Variants in CPVL observed in about 807,000 individuals in gnomAD.
The protein encoded by CPVL is carboxypeptidase vitellogenic like.
A neutral mutation model predicts 63.7 loss-of-function variants in CPVL; 51 were observed. The ratio of observed to expected loss-of-function variants is 0.80; its 90% CI spans 0.64 to 1.01. The LOEUF is 1.01. CPVL is among the 50% of genes least tolerant of loss of function. The pLI is 0.00. For missense variants in CPVL, 530 were observed against 573.1 expected, an observed-to-expected ratio of 0.92 and a Z score of 0.77; for synonymous variants, 195 against 206.0, an observed-to-expected ratio of 0.95 and a Z score of 0.46.
chr7:29,132,743 AAGAC>A (rs1790822557), intron 1 of CPVL, among the ~76,000 whole-genome samples: 1 of 152,216 alleles, frequency 6.6e-6, no homozygotes, highest in Non-Finnish European at 1.5e-5. Flanking sequence ...TCATGAAAGA[AAGAC>A]AAAGTGCTGT....
intron 3 of CPVL, among the ~76,000 whole-genome samples, chr7:29,111,757 C>T (rs1056597372): frequency 3.3e-5 from 5 of 152,162 alleles, no homozygotes; most frequent in African/African-American, 7.2e-5. Flanking sequence ...GGAGAAACAA[C>T]GTAACTTGAA....
At position 29,102,547 on chromosome 7, in the gene CPVL, C is replaced by G. The variant is rs191106737; in HGVS notation, c.289-6330G>C. Among the ~76,000 whole-genome samples the G allele has an allele frequency of 3.3e-5, 5 of 152,192 alleles. No individual in the cohort carries two copies. In the East Asian group the frequency reaches 9.7e-4, roughly 29 times the overall value. On this transcript the variant is annotated intron_variant, in intron 3 of 12. Coordinates refer to ENST00000265394, the MANE Select transcript of CPVL (RefSeq NM_031311.5). The stretch of plus-strand genomic sequence containing the variant: ...AAAGGTCAAAGTCCTGCAGCAAGAA[C>G]TGATGATTAAAAGGGAACGGACAAA...
chr7:29,183,756 A>G (rs1408297318), intron 4 of CPVL, among the ~76,000 whole-genome samples: 4 of 152,232 alleles, frequency 2.6e-5, no homozygotes, highest in African/African-American at 9.6e-5. Context: ...AGATATATGT[A>G]TAGGATATAT....
At chr7:28,995,956 G>C in intron 12 of CPVL, 74 bp from the exon 13 acceptor site, 1 of 835,048 alleles carries the variant, frequency 1.2e-6, no homozygotes, top group South Asian at 1.7e-5. Flanking sequence ...TTTTCATTCA[G>C]ATTAAACTCT....
intron 5 of CPVL, among the ~76,000 whole-genome samples, chr7:29,156,992 C>G (rs1423707667): frequency 2.0e-5 from 3 of 152,168 alleles, no homozygotes; most frequent in African/African-American, 7.2e-5. Flanking sequence ...CTTTTTCACA[C>G]ATTGGTCCAC....
intron 5 of CPVL, among the ~76,000 whole-genome samples, chr7:29,155,986 T>C (rs1480124019): frequency 6.6e-6 from 1 of 152,230 alleles, no homozygotes; most frequent in African/African-American, 2.4e-5. Context: ...CCTTGGGCTG[T>C]TAGTGAGAAA....
intron 5 of CPVL, among the ~76,000 whole-genome samples, chr7:29,169,880 G>GTGTGTGTGTA (rs148266761): frequency 0.023 from 3,384 of 149,968 alleles, 242 homozygotes; most frequent in East Asian, 0.17. Flanking sequence ...GTGTGTGTGT[G>GTGTGTGTGTA]TATATATATA....
Position 29,120,947 on chromosome 7 carries a change from A to G in CPVL, c.115T>C (p.Ser39Pro). Residue 39 changes from serine to proline, a missense_variant, in exon 2 of 13, where the codon TCA becomes CCA. By Grantham distance (74) the Ser-to-Pro change is moderately conservative (BLOSUM62 -1). Transcript: ENST00000265394. ...GGGGTGAGAAATAATGGCTGTCCTG[A>G]GTCTCCCTTAGGTGGCATGGAAACA... is the stretch of plus-strand genomic sequence containing the variant. ...RSVSMPPKGD[S>P]GQPLFLTPYI... 1.2e-6 allele frequency: 2 copies of G among 1,613,804 alleles called. No homozygotes were observed. Among genetic ancestry groups the G allele is most frequent in the Non-Finnish European group, 1.7e-6 (2 of 1,179,936 alleles).
chr7:29,045,966 C>G (rs1044023269), intron 11 of CPVL, among the ~76,000 whole-genome samples: 1 of 151,982 alleles, frequency 6.6e-6, no homozygotes, highest in Non-Finnish European at 1.5e-5. Flanking sequence ...GGTAGTGAAG[C>G]TAAGAAACAC....
chr7:29,000,129 A>G (rs1182486423), intron 12 of CPVL, among the ~76,000 whole-genome samples: 8 of 152,158 alleles, frequency 5.3e-5, no homozygotes, highest in Non-Finnish European at 1.0e-4. Flanking sequence ...TGTGTCATGA[A>G]TTTCAACAGG....
At position 29,195,076 on chromosome 7, in the gene CPVL, C is replaced by T. The variant is rs1783500819; in HGVS notation, c.-448+1G>A. 1.4e-6 allele frequency: 2 copies of T among 1,397,896 alleles called. No individual in the cohort carries two copies. The highest frequency in any genetic ancestry group is 1.9e-6 in the Non-Finnish European group (2 of 1,029,490). The allele number at this position is 1,397,896 out of a possible 1,614,324, so 86.6% of individuals were successfully genotyped here. Reference sequence around the variant, plus strand: ...CGCAGCCTGGGATGGACAGAGCCTACCTGTGGCCATCCCGCCCGCTCTCTC... The same window carrying T: ...CGCAGCCTGGGATGGACAGAGCCTATCTGTGGCCATCCCGCCCGCTCTCTC... On this transcript the variant is annotated splice_donor_variant, in intron 1 of 16. Transcript: ENST00000409850. LOFTEE classifies it low-confidence loss of function (5UTR_SPLICE).
At chr7:29,005,195 A>G (rs1785064967) in intron 12 of CPVL, among the ~76,000 whole-genome samples, 1 of 152,028 alleles carries the variant, frequency 6.6e-6, no homozygotes, top group Admixed American at 6.6e-5. Flanking sequence ...CTGGCCCATT[A>G]CAAATATGTC....
intron 11 of CPVL, among the ~76,000 whole-genome samples, chr7:29,043,239 C>CTT (rs113006758): frequency 0.018 from 2,672 of 146,974 alleles, 60 homozygotes; most frequent in Middle Eastern, 0.042. Context: ...TTTTCTTTAC[C>CTT]TTTTTTTTTT....
chr7:29,065,364 C>T (rs781036990), intron 10 of CPVL, among the ~76,000 whole-genome samples: 7 of 152,166 alleles, frequency 4.6e-5, no homozygotes, highest in Non-Finnish European at 7.3e-5. Flanking sequence ...CAAACTAGTT[C>T]ATAAATCAGG....
chr7:29,062,864 G>GCTGCCGACTGCC (rs1782764510), intron 11 of CPVL, among the ~76,000 whole-genome samples: 1 of 152,116 alleles, frequency 6.6e-6, no homozygotes, highest in African/African-American at 2.4e-5. Flanking sequence ...AATCCTATGG[G>GCTGCCGACTGCC]CTGCCGACTG....
chr7:29,068,797 C>A (rs1337034993), intron 9 of CPVL, among the ~76,000 whole-genome samples: 1 of 151,138 alleles, frequency 6.6e-6, no homozygotes, highest in Non-Finnish European at 1.5e-5. Flanking sequence ...TGGGTTCACG[C>A]CATTCTCCTG....
chr7:29,046,567 G>GCACACA (rs10546847), intron 11 of CPVL, among the ~76,000 whole-genome samples: 1 of 149,670 alleles, frequency 6.7e-6, no homozygotes, highest in African/African-American at 2.5e-5. Context: ...GTGCGCGCGT[G>GCACACA]CACACACACA....
intron 3 of CPVL, among the ~76,000 whole-genome samples, chr7:29,105,066 C>T (rs1253030480): frequency 6.6e-6 from 1 of 152,140 alleles, no homozygotes; most frequent in African/African-American, 2.4e-5. Flanking sequence ...TTGAAGAAGA[C>T]AATTATCTGT....
intron 7 of CPVL, among the ~76,000 whole-genome samples, chr7:29,073,414 T>A (rs1783942384): frequency 6.6e-6 from 1 of 152,164 alleles, no homozygotes; most frequent in Admixed American, 6.5e-5. Context: ...GGCCTCCTTC[T>A]TTTGCCCTTA....
Sources: gnomAD v4.1 joint callset for allele counts (sites outside exome capture counted in the v4.1 genomes callset) on GRCh38, gnomAD v4.1.1 for gene constraint, MANE v1.5 for transcripts, NCBI Gene and HGNC (gene_info 2026-07-23, HGNC 2026-07-21) for gene names.